The following SLC6A11 variants were observed in gnomAD, a reference collection of about 807,000 sequenced individuals.
SLC6A11 encodes solute carrier family 6 member 11.
In SLC6A11, 25 loss-of-function variants were observed where a neutral mutation model predicts 74.8. The observed-to-expected ratio is 0.33, with a 90% CI of 0.24 to 0.47. The LOEUF (loss-of-function observed/expected upper bound fraction) is 0.47. Ranked by LOEUF, SLC6A11 falls within the 20% of genes least tolerant of loss-of-function variation. The probability of loss-of-function intolerance (pLI) is 1.00; values close to 1 mark genes in which losing one functional copy is unlikely to be tolerated. For synonymous variants in SLC6A11, 330 were observed against 330.2 expected (o/e 1.00, Z 0.01); for missense variants, 574 against 837.0 (o/e 0.69, Z 3.88).
rs998224286 is a variant in SLC6A11, at chr3:10,926,292, C to T, written c.1233+176C>T. On this transcript the variant is annotated intron_variant, in intron 9 of 13. Transcript: ENST00000254488. The surrounding 1 kb of genome is among the most constrained non-coding windows in gnomAD (Gnocchi z 5.7). Reference sequence around the variant, plus strand: ...ACTTCCCTCCCAGCAACTCTTGCACCCCCGCCATCCACCAGGTGGGCTCTA... The same window carrying T: ...ACTTCCCTCCCAGCAACTCTTGCACTCCCGCCATCCACCAGGTGGGCTCTA... Among the ~76,000 whole-genome samples, 1 of 152,036 alleles carries T rather than the reference C, an allele frequency of 6.6e-6. No individual in the cohort carries two copies. The highest frequency in any genetic ancestry group is 2.4e-5 in the African/African-American group (1 of 41,386).
At position 10,926,234 on chromosome 3, in the gene SLC6A11, G is replaced by A. The variant is rs1695605045; in HGVS notation, c.1233+118G>A. 1.5e-6 allele frequency: 1 copy of A among 665,794 alleles called. No individual in the cohort carries two copies. Among genetic ancestry groups the A allele is most frequent in the Admixed American group, 2.5e-5 (1 of 40,530 alleles). 41.2% of individuals were successfully genotyped at this position (665,794 alleles called of 1,614,324 possible). On this transcript the variant is annotated intron_variant, in intron 9 of 13. Transcript: ENST00000254488. This position sits in a 1 kb window ranked among gnomAD's most constrained non-coding sequence, Gnocchi z 5.7. Reference sequence around the variant, plus strand: ...CCACTCCCACCTGGCCCTGGCATCAGGGCCCTGCCCACCGTCCCCCATTCC... The same window carrying A: ...CCACTCCCACCTGGCCCTGGCATCAAGGCCCTGCCCACCGTCCCCCATTCC...
At chr3:10,888,615 G>A (rs529369518) in intron 6 of SLC6A11, among the ~76,000 whole-genome samples, 3 of 152,370 alleles carry the variant, frequency 2.0e-5, no homozygotes, top group South Asian at 4.1e-4. Flanking sequence ...GCAAGGCCCA[G>A]CCACGCAGTG....
In SLC6A11 at chr3:10,939,521, G is replaced by C. The variant is rs745653848; in HGVS notation, c.*1119G>C. 9.2e-5 allele frequency: 14 copies of C among 152,368 alleles called. No individual in the cohort carries two copies. The highest frequency in any genetic ancestry group is 3.3e-4 in the Admixed American group (5 of 15,278). 9.4% of individuals were successfully genotyped at this position (152,368 alleles called of 1,614,324 possible). A position where few individuals can be genotyped will look rare whatever the true frequency, so the allele number is the denominator to read the frequency against. ...CATGAGAAGCAGCCACAGGGGGCCT[G>C]GTTTCCTCCTAAGGCCCTTCTCTGT... On this transcript the variant is annotated 3_prime_UTR_variant, in exon 14 of 14. Transcript: ENST00000254488.
At chr3:10,833,504 C>T (rs763021667) in intron 4 of SLC6A11, among the ~76,000 whole-genome samples, 3 of 152,268 alleles carry the variant, frequency 2.0e-5, no homozygotes, top group Non-Finnish European at 2.9e-5. Flanking sequence ...TGATGCCATC[C>T]GAATGCTATA....
At chr3:10,817,225 T>C (rs540531052) in intron 1 of SLC6A11, among the ~76,000 whole-genome samples, 4 of 152,254 alleles carry the variant, frequency 2.6e-5, no homozygotes, top group South Asian at 2.1e-4. Flanking sequence ...GGTGGAAGAA[T>C]TGACAACGAA....
intron 5 of SLC6A11, among the ~76,000 whole-genome samples, chr3:10,857,579 G>A (rs540908007): frequency 6.6e-6 from 1 of 152,290 alleles, no homozygotes; most frequent in South Asian, 2.1e-4. Context: ...TGAAGCCAGA[G>A]AAGAGCCTTA....
intron 6 of SLC6A11, among the ~76,000 whole-genome samples, chr3:10,880,497 A>T (rs1443644052): frequency 1.3e-5 from 2 of 152,216 alleles, no homozygotes; most frequent in African/African-American, 2.4e-5. Flanking sequence ...CTCTATAGCC[A>T]GTAAAATCTC....
intron 6 of SLC6A11, among the ~76,000 whole-genome samples, chr3:10,901,783 C>T (rs372074901): frequency 2.6e-5 from 4 of 152,100 alleles, no homozygotes; most frequent in African/African-American, 7.2e-5. Context: ...TGGCATTAGC[C>T]GAAAGAAGGA....
chr3:10,934,272 G>T, intron 12 of SLC6A11, 106 bp downstream of exon 12: 1 of 752,256 alleles, frequency 1.3e-6, no homozygotes, highest in South Asian at 1.6e-5. Context: ...TGGACCTGAG[G>T]AGGCTGATGT....
intron 7 of SLC6A11, among the ~76,000 whole-genome samples, chr3:10,913,625 T>C (rs1695415749): frequency 6.6e-6 from 1 of 152,204 alleles, no homozygotes; most frequent in Non-Finnish European, 1.5e-5. Flanking sequence ...ATATCCACAA[T>C]ATATAAAGAA....
chr3:10,847,795 G>A (rs1694522900), intron 5 of SLC6A11, among the ~76,000 whole-genome samples: 1 of 152,152 alleles, frequency 6.6e-6, no homozygotes. Flanking sequence ...TCACTTTGGA[G>A]ACGAGCCCAG....
chr3:10,920,668 A>G (rs1575703952), intron 8 of SLC6A11, among the ~76,000 whole-genome samples: 1 of 152,230 alleles, frequency 6.6e-6, no homozygotes, highest in South Asian at 2.1e-4. Flanking sequence ...TATGCCCTGC[A>G]CAACTCCAGC....
chr3:10,935,408 C>A, intron 13 of SLC6A11: 1 of 561,618 alleles, frequency 1.8e-6, no homozygotes, highest in Non-Finnish European at 3.2e-6. Flanking sequence ...TTCTAGGAGT[C>A]CAGCCTCTGT....
chr3:10,919,071 T>G (rs1695499088), intron 8 of SLC6A11, among the ~76,000 whole-genome samples: 1 of 152,014 alleles, frequency 6.6e-6, no homozygotes, highest in Non-Finnish European at 1.5e-5. Flanking sequence ...ATGCTTCCCC[T>G]TTGCTTGGAG....
At chr3:10,836,463 C>T (rs1694368466) in intron 4 of SLC6A11, among the ~76,000 whole-genome samples, 1 of 152,186 alleles carries the variant, frequency 6.6e-6, no homozygotes, top group Non-Finnish European at 1.5e-5. Context: ...TTTGCATTCC[C>T]ACCAGTAATA....
At chr3:10,928,278 T>C (rs1157494924) in intron 9 of SLC6A11, among the ~76,000 whole-genome samples, 1 of 152,032 alleles carries the variant, frequency 6.6e-6, no homozygotes, top group Non-Finnish European at 1.5e-5. Context: ...ATGACAATGA[T>C]GTGGCCCCTT....
chr3:10,868,211 G>T (rs562799787), intron 5 of SLC6A11, among the ~76,000 whole-genome samples: 31 of 152,252 alleles, frequency 2.0e-4, no homozygotes, highest in Middle Eastern at 3.4e-3. Context: ...TTCTGATTTT[G>T]TGGTCCTAGG....
intron 11 of SLC6A11, 113 bp downstream of exon 11, chr3:10,933,366 G>A (rs1165653145): frequency 6.8e-6 from 5 of 733,106 alleles, no homozygotes; most frequent in Non-Finnish European, 9.6e-6. Context: ...GTCTATACTG[G>A]CCTCTTCTTA....
chr3:10,902,387 TG>T (rs1312738533), intron 6 of SLC6A11, among the ~76,000 whole-genome samples: 2 of 152,236 alleles, frequency 1.3e-5, no homozygotes, highest in African/African-American at 4.8e-5. Context: ...GTTCAGCATT[TG>T]GTGCTTCTCA....
Sources: gnomAD v4.1 joint callset for allele counts (sites outside exome capture counted in the v4.1 genomes callset) on GRCh38, gnomAD v4.1.1 for gene constraint, Gnocchi (gnomAD v3.1) non-coding constraint, MANE v1.5 for transcripts, NCBI Gene and HGNC (gene_info 2026-07-23, HGNC 2026-07-21) for gene names.